The following EFL1 variants were observed in gnomAD, a reference collection of about 807,000 sequenced individuals.
The protein encoded by EFL1 is elongation factor-like GTPase 1.
In EFL1, 76 loss-of-function variants were observed where a neutral mutation model predicts 126.7. The ratio of observed to expected loss-of-function variants is 0.60; its 90% CI spans 0.50 to 0.73. The LOEUF (loss-of-function observed/expected upper bound fraction) is 0.73. Among genes scored for constraint, EFL1 ranks in the 30% least tolerant of loss-of-function variants. The probability of loss-of-function intolerance (pLI) is 0.00; values close to 1 mark genes in which losing one functional copy is unlikely to be tolerated. For synonymous variants in EFL1, 410 were observed against 448.4 expected (o/e 0.91, Z 1.08); for missense variants, 1,128 against 1,343.2 (o/e 0.84, Z 2.50).
At position 82,230,906 on chromosome 15, in the gene EFL1, G is replaced by A; in HGVS notation, c.797C>T (p.Thr266Ile). The change falls in exon 8 of 20, where the codon ACC (threonine) becomes ATC (isoleucine). Residue 266 changes from threonine to isoleucine, a missense_variant. Transcript: ENST00000268206. Reference sequence around the variant, plus strand: ...ATTTATATAGTAATCTCCCCACAAGGTTTTCATAAGAACTTCCTTTTTGAT... The same window carrying A: ...ATTTATATAGTAATCTCCCCACAAGATTTTCATAAGAACTTCCTTTTTGAT... ...IGIKKEVLMK[T>I]LWGDYYINMK... 1 of 1,613,290 alleles carries A rather than the reference G, an allele frequency of 6.2e-7. No homozygotes were observed. Among genetic ancestry groups the A allele is most frequent in the Non-Finnish European group, 8.5e-7 (1 of 1,179,578 alleles).
At chr15:82,218,535 C>G (rs1447947409) in intron 14 of EFL1, among the ~76,000 whole-genome samples, 1 of 152,166 alleles carries the variant, frequency 6.6e-6, no homozygotes, top group Non-Finnish European at 1.5e-5. Context: ...ATTTCTTGCT[C>G]ACTTACCTTC....
chr15:82,240,620 T>C (rs2074921416), intron 5 of EFL1, 65 bp from the exon 6 acceptor site: 1 of 1,583,256 alleles, frequency 6.3e-7, no homozygotes, highest in Non-Finnish European at 8.6e-7. Flanking sequence ...CATTAGAAAA[T>C]CGTGATTAAT....
At chr15:82,257,080 T>C (rs2075073236) in intron 3 of EFL1, among the ~76,000 whole-genome samples, 1 of 152,180 alleles carries the variant, frequency 6.6e-6, no homozygotes, top group Admixed American at 6.5e-5. Context: ...AACTAGAGAG[T>C]TAAACCATCT....
chr15:82,204,065 C>T (rs1422785337), intron 15 of EFL1, among the ~76,000 whole-genome samples: 3 of 152,318 alleles, frequency 2.0e-5, no homozygotes, highest in Admixed American at 6.5e-5. Context: ...ACACAGAACA[C>T]TGTCAGATTT....
At chr15:82,253,049 T>C (rs981470309) in intron 3 of EFL1, among the ~76,000 whole-genome samples, 3 of 151,968 alleles carry the variant, frequency 2.0e-5, no homozygotes, top group African/African-American at 7.3e-5. Flanking sequence ...AGAGCCTTTT[T>C]TTTTTTTGAG....
At chr15:82,212,846 T>C (rs191065982) in intron 15 of EFL1, among the ~76,000 whole-genome samples, 109 of 152,346 alleles carry the variant, frequency 7.2e-4, no homozygotes, top group African/African-American at 2.6e-3. Context: ...TGAGCATATA[T>C]ACAGAAGTCA....
At chr15:82,172,510 G>A (rs927905649) in intron 15 of EFL1, among the ~76,000 whole-genome samples, 1 of 152,190 alleles carries the variant, frequency 6.6e-6, no homozygotes, top group South Asian at 2.1e-4. Context: ...TCCCGTACAA[G>A]AATTACCCTC....
intron 10 of EFL1, 50 bp from the exon 11 acceptor site, chr15:82,227,622 A>G (rs1230414295): frequency 1.2e-6 from 2 of 1,612,414 alleles, no homozygotes; most frequent in Non-Finnish European, 1.7e-6. Context: ...GCCTCCCACC[A>G]AGGCGAAGAT....
chr15:82,252,636 G>T, intron 4 of EFL1, 55 bp downstream of exon 4: 1 of 1,346,344 alleles, frequency 7.4e-7, no homozygotes, highest in Non-Finnish European at 1.1e-6. Context: ...CAGAAAGACA[G>T]AAGAGGACAT....
intron 15 of EFL1, among the ~76,000 whole-genome samples, chr15:82,181,997 C>T (rs890122378): frequency 8.6e-5 from 13 of 152,042 alleles, no homozygotes; most frequent in Admixed American, 1.3e-4. Context: ...CGGTGGCTCA[C>T]GCCTGTAATC....
chr15:82,192,529 A>G (rs2074369867), intron 15 of EFL1, among the ~76,000 whole-genome samples: 1 of 152,226 alleles, frequency 6.6e-6, no homozygotes, highest in Non-Finnish European at 1.5e-5. Context: ...AATTAGAATT[A>G]TTCATGGATA....
At chr15:82,133,292 G>A (rs767729026) in intron 19 of EFL1, among the ~76,000 whole-genome samples, 9 of 152,110 alleles carry the variant, frequency 5.9e-5, no homozygotes, top group Admixed American at 3.3e-4. Context: ...TGGTTCTTGC[G>A]GCTGAAAACA....
chr15:82,259,129 TA>T lies in EFL1; in HGVS notation c.117del (p.Ile40TyrfsTer11). On this transcript the variant is annotated frameshift_variant, in exon 3 of 20. Coordinates refer to ENST00000268206, the MANE Select transcript of EFL1 (RefSeq NM_024580.6). LOFTEE classifies it high-confidence loss of function. ...CTGGAGATGATTCCATTGCTAGATA[TA>T]AGACAGTCAGCCAGAGTAGTTTTTC... ...DHGKTTLADC[L>X]ISSNGIISSR... 6.2e-7 allele frequency: 1 copy of T among 1,614,100 alleles called. No individual in the cohort carries two copies. Among genetic ancestry groups the T allele is most frequent in the Non-Finnish European group, 8.5e-7 (1 of 1,179,980 alleles).
At position 82,151,628 on chromosome 15, in the gene EFL1, T is replaced by A; in HGVS notation, c.2826A>T (p.Thr942=). Residue 942 remains threonine (T), a synonymous_variant, in exon 18 of 20, where the codon ACA becomes ACT. Transcript: ENST00000268206. ...TGAGTGGAGATTCTCCTTTCTGTGA[T>A]GTCCTCTTCTCAAAGGCCTCAGAGC... ...DGCSEAFEKR[T]SQKGESPLTD... 10 of 1,614,196 alleles carry A rather than the reference T, an allele frequency of 6.2e-6. No homozygotes were observed. The highest frequency in any genetic ancestry group is 6.8e-6 in the Non-Finnish European group (8 of 1,180,028).
chr15:82,207,286 GTATA>G (rs752549886), intron 15 of EFL1, among the ~76,000 whole-genome samples: 7 of 140,006 alleles, frequency 5.0e-5, no homozygotes, highest in East Asian at 4.0e-4. Context: ...TTATGTGTGT[GTATA>G]TATATATATA....
intron 18 of EFL1, among the ~76,000 whole-genome samples, chr15:82,149,021 T>C (rs893010635): frequency 1.3e-5 from 2 of 152,050 alleles, no homozygotes; most frequent in African/African-American, 4.8e-5. Context: ...GGGACTGTTA[T>C]AGATGTAAAG....
intron 4 of EFL1, among the ~76,000 whole-genome samples, chr15:82,252,166 T>C (rs558299712): frequency 6.6e-6 from 1 of 152,236 alleles, no homozygotes; most frequent in Non-Finnish European, 1.5e-5. Context: ...ATTCTCCTAT[T>C]GACATTCAGG....
chr15:82,188,400 G>T (rs927486257), intron 15 of EFL1, among the ~76,000 whole-genome samples: 1 of 151,848 alleles, frequency 6.6e-6, no homozygotes, highest in African/African-American at 2.4e-5. Flanking sequence ...ACCAAATGAA[G>T]TTTTCTTCAT....
intron 15 of EFL1, among the ~76,000 whole-genome samples, chr15:82,202,581 A>G (rs1408983071): frequency 6.6e-6 from 1 of 152,190 alleles, no homozygotes; most frequent in Non-Finnish European, 1.5e-5. Flanking sequence ...CAGCTCACAA[A>G]TAAGAAACCA....
Sources: allele counts gnomAD v4.1 joint callset (sites outside exome capture counted in the v4.1 genomes callset), GRCh38; gene constraint gnomAD v4.1.1; transcripts MANE v1.5; gene names NCBI Gene and HGNC (gene_info 2026-07-23, HGNC 2026-07-21).